The following MAP7 variants were observed in gnomAD, a reference collection of about 807,000 sequenced individuals.
The protein encoded by MAP7 is microtubule associated protein 7.
A neutral mutation model predicts 94.8 loss-of-function variants in MAP7; 52 were observed. The ratio of observed to expected loss-of-function variants is 0.55; its 90% confidence interval spans 0.44 to 0.69. The LOEUF (loss-of-function observed/expected upper bound fraction) is 0.69, where lower values mean the gene tolerates loss of function less well. MAP7 is among the 30% of genes least tolerant of loss of function. The probability of loss-of-function intolerance (pLI) is 0.00; values close to 1 mark genes in which losing one functional copy is unlikely to be tolerated. For missense variants in MAP7, 940 were observed against 964.6 expected, an observed-to-expected ratio of 0.97 and a Z score of 0.34; for synonymous variants, 350 against 357.0, an observed-to-expected ratio of 0.98 and a Z score of 0.22.
intron 1 of MAP7, among the ~76,000 whole-genome samples, chr6:136,449,746 G>C (rs1456175786): frequency 1.1e-4 from 16 of 152,226 alleles, no homozygotes; most frequent in Admixed American, 1.0e-3. Flanking sequence ...AGTATGCAGG[G>C]GCTCTGCCCA....
At chr6:136,474,726 T>C (rs1243543671) in intron 1 of MAP7, among the ~76,000 whole-genome samples, 3 of 152,280 alleles carry the variant, frequency 2.0e-5, no homozygotes, top group Admixed American at 6.5e-5. Context: ...TAAAACTTTT[T>C]TTTTTTTTTG....
chr6:136,381,520 T>G (rs1468352590), intron 6 of MAP7, among the ~76,000 whole-genome samples: 2 of 152,068 alleles, frequency 1.3e-5, no homozygotes, highest in Non-Finnish European at 2.9e-5. Flanking sequence ...CAGAAGAAGT[T>G]TTAAAATTCT....
intron 1 of MAP7, among the ~76,000 whole-genome samples, chr6:136,459,649 A>G (rs1804532966): frequency 6.6e-6 from 1 of 152,198 alleles, no homozygotes; most frequent in Non-Finnish European, 1.5e-5. Context: ...AGCCAATCAC[A>G]GAAGGACAAA....
At chr6:136,525,045 T>C (rs766069081) in intron 1 of MAP7, among the ~76,000 whole-genome samples, 3 of 152,252 alleles carry the variant, frequency 2.0e-5, no homozygotes, top group Non-Finnish European at 4.4e-5. Context: ...ATGTCTGATG[T>C]TGCTGTCTCT....
intron 1 of MAP7, among the ~76,000 whole-genome samples, chr6:136,445,486 C>T (rs1177358076): frequency 6.6e-6 from 1 of 152,182 alleles, no homozygotes; most frequent in African/African-American, 2.4e-5. Context: ...TTCTTTGCAT[C>T]CTTACTCTCT....
At chr6:136,350,024 G>A (rs930746198) in intron 16 of MAP7, among the ~76,000 whole-genome samples, 4 of 152,088 alleles carry the variant, frequency 2.6e-5, no homozygotes, top group Non-Finnish European at 4.4e-5. Flanking sequence ...ATTTATTTAC[G>A]AATATATTAG....
intron 1 of MAP7, among the ~76,000 whole-genome samples, chr6:136,425,976 A>G (rs1279466202): frequency 6.6e-6 from 1 of 152,054 alleles, no homozygotes; most frequent in Non-Finnish European, 1.5e-5. Context: ...TCCTTCTACC[A>G]CTTCTTTTTC....
intron 3 of MAP7, among the ~76,000 whole-genome samples, chr6:136,394,952 A>ATATATATC (rs1781960546): frequency 8.2e-6 from 1 of 121,752 alleles, no homozygotes; most frequent in Non-Finnish European, 1.8e-5. Flanking sequence ...ATATATATAT[A>ATATATATC]TATATATATA....
chr6:136,448,423 T>C (rs971298456), intron 1 of MAP7, among the ~76,000 whole-genome samples: 4 of 152,054 alleles, frequency 2.6e-5, no homozygotes, highest in Admixed American at 2.6e-4. Flanking sequence ...CGATTTTTTT[T>C]TTTTTTTAAG....
intron 1 of MAP7, among the ~76,000 whole-genome samples, chr6:136,480,616 TG>T (rs1239451086): frequency 3.5e-5 from 4 of 115,220 alleles, no homozygotes; most frequent in Non-Finnish European, 6.4e-5. Context: ...CACTCCAGCC[TG>T]GGTGACAGAG....
intron 3 of MAP7, among the ~76,000 whole-genome samples, chr6:136,409,256 G>C (rs904554265): frequency 1.4e-4 from 21 of 152,144 alleles, no homozygotes; most frequent in African/African-American, 5.1e-4. Flanking sequence ...GTGGTGACGT[G>C]AGTCTGTAAT....
intron 1 of MAP7, among the ~76,000 whole-genome samples, chr6:136,469,254 C>A (rs1562436923): frequency 1.3e-5 from 2 of 152,244 alleles, no homozygotes; most frequent in Admixed American, 6.5e-5. Flanking sequence ...CAGCTTATCA[C>A]CCCGCTTTTG....
At chr6:136,541,938 A>G (rs1026898221) in intron 1 of MAP7, among the ~76,000 whole-genome samples, 5 of 152,184 alleles carry the variant, frequency 3.3e-5, no homozygotes, top group Admixed American at 1.3e-4. Flanking sequence ...GGGCACCTGT[A>G]GTCCCGGCTA....
At chr6:136,356,213 C>T (rs1483483502) in intron 16 of MAP7, among the ~76,000 whole-genome samples, 2 of 152,208 alleles carry the variant, frequency 1.3e-5, no homozygotes, top group Non-Finnish European at 2.9e-5. Context: ...GTCACCCAGG[C>T]TGGACTGCAG....
chr6:136,426,488 C>T (rs1793193918), intron 1 of MAP7, among the ~76,000 whole-genome samples: 1 of 152,088 alleles, frequency 6.6e-6, no homozygotes, highest in African/African-American at 2.4e-5. Flanking sequence ...TCCATAAACC[C>T]ACAGAGGTTT....
intron 1 of MAP7, among the ~76,000 whole-genome samples, chr6:136,523,734 A>T (rs73777922): frequency 0.04 from 6,040 of 152,150 alleles, 385 homozygotes; most frequent in African/African-American, 0.13. Flanking sequence ...TGCCCTTCCC[A>T]CCACTATGGG....
At chr6:136,503,575 T>A (rs1469728122) in intron 1 of MAP7, among the ~76,000 whole-genome samples, 7 of 152,212 alleles carry the variant, frequency 4.6e-5, no homozygotes, top group African/African-American at 1.7e-4. Context: ...TATACCAGAT[T>A]ACTGATGCAG....
intron 2 of MAP7, among the ~76,000 whole-genome samples, chr6:136,414,252 CAAAAAAAAAAAAAAAAAA>C (rs559869492): frequency 1.9e-4 from 3 of 15,948 alleles, no homozygotes; most frequent in African/African-American, 4.0e-4. Context: ...GACTCCGTCT[CAAAAAAAAAAAAAAAAAA>C]AAAAAAAAAA....
At chr6:136,534,611 A>G (rs981251626) in intron 1 of MAP7, among the ~76,000 whole-genome samples, 2 of 152,222 alleles carry the variant, frequency 1.3e-5, no homozygotes, top group African/African-American at 4.8e-5. Flanking sequence ...CATAATCTTC[A>G]TTGAATAGGA....
Sources: allele counts gnomAD v4.1 joint callset (sites outside exome capture counted in the v4.1 genomes callset), GRCh38; gene constraint gnomAD v4.1.1; transcripts MANE v1.5; gene names NCBI Gene and HGNC (gene_info 2026-07-23, HGNC 2026-07-21).